The following RIMS2 variants were observed in gnomAD, a reference collection of about 807,000 sequenced individuals.
RIMS2 encodes regulating synaptic membrane exocytosis 2, also known as regulating synaptic membrane exocytosis protein 2.
In RIMS2, 59 loss-of-function variants were observed where a neutral mutation model predicts 174.4. The observed-to-expected ratio is 0.34, with a 90% CI of 0.27 to 0.42. The LOEUF (loss-of-function observed/expected upper bound fraction) is 0.42. Ranked by LOEUF, RIMS2 falls within the 10% of genes least tolerant of loss-of-function variation. The probability of loss-of-function intolerance (pLI) is 1.00; values close to 1 mark genes in which losing one functional copy is unlikely to be tolerated. For synonymous variants in RIMS2, 606 were observed against 572.5 expected, an observed-to-expected ratio of 1.06 and a Z score of -0.84; for missense variants, 1,620 against 1,666.3, an observed-to-expected ratio of 0.97 and a Z score of 0.48.
chr8:103,921,050 A>G (rs2077564801), intron 9 of RIMS2: 1 of 216,788 alleles, frequency 4.6e-6, no homozygotes, highest in African/African-American at 2.4e-5. Context: ...AACAACAAAA[A>G]CAGGTCTTCC....
At chr8:104,012,147 A>G (rs1392471095) in intron 17 of RIMS2, among the ~76,000 whole-genome samples, 1 of 151,950 alleles carries the variant, frequency 6.6e-6, no homozygotes, top group Non-Finnish European at 1.5e-5. Context: ...TTAGAAAGTA[A>G]ATCACATGAT....
intron 3 of RIMS2, among the ~76,000 whole-genome samples, chr8:103,803,637 T>TG (rs1007913179): frequency 3.3e-5 from 5 of 152,208 alleles, no homozygotes; most frequent in African/African-American, 1.2e-4. Context: ...TAGTAGAGTA[T>TG]GGCAAAGATG....
intron 19 of RIMS2, 75 bp downstream of exon 22, chr8:104,041,433 C>A: frequency 3.2e-6 from 2 of 627,760 alleles, no homozygotes; most frequent in Non-Finnish European, 5.8e-6. Context: ...CATTTTTTTA[C>A]TCATTTCATA....
chr8:103,907,910 T>C (rs1044574440), intron 4 of RIMS2, among the ~76,000 whole-genome samples: 2 of 151,072 alleles, frequency 1.3e-5, no homozygotes, highest in Admixed American at 1.3e-4. Flanking sequence ...CATGCCCGGC[T>C]AACTTTTTGT....
At chr8:103,602,476 G>C (rs993596025) in intron 1 of RIMS2, among the ~76,000 whole-genome samples, 1 of 152,076 alleles carries the variant, frequency 6.6e-6, no homozygotes, top group Middle Eastern at 3.4e-3. Flanking sequence ...CCCTCAAAGA[G>C]GCTCCAGCGT....
At chr8:103,661,222 G>C (rs997510395) in intron 1 of RIMS2, among the ~76,000 whole-genome samples, 3 of 152,174 alleles carry the variant, frequency 2.0e-5, no homozygotes, top group Middle Eastern at 3.2e-3. Context: ...TTCATTCTCA[G>C]TGCTGTCTGT....
chr8:103,758,591 T>C (rs1244471975), intron 2 of RIMS2, among the ~76,000 whole-genome samples: 1 of 152,162 alleles, frequency 6.6e-6, no homozygotes, highest in African/African-American at 2.4e-5. Flanking sequence ...AGACCTGTGC[T>C]CTTATTCACT....
intron 19 of RIMS2, among the ~76,000 whole-genome samples, chr8:104,074,683 A>G (rs1045540932): frequency 6.6e-6 from 1 of 152,172 alleles, no homozygotes; most frequent in African/African-American, 2.4e-5. Context: ...TTAAGGGGAT[A>G]TGAAGATTTT....
At chr8:103,527,392 T>C (rs900612285) in intron 1 of RIMS2, among the ~76,000 whole-genome samples, 7 of 152,296 alleles carry the variant, frequency 4.6e-5, no homozygotes, top group Non-Finnish European at 7.4e-5. Context: ...ATTTTTTATT[T>C]ATTTATTTTT....
intron 2 of RIMS2, among the ~76,000 whole-genome samples, chr8:103,747,236 T>TC (rs1263943789): frequency 1.1e-5 from 1 of 90,658 alleles, no homozygotes; most frequent in Non-Finnish European, 2.2e-5. Context: ...ATGCTATCCC[T>TC]CCCCCCTCCC....
At chr8:104,026,388 G>T (rs898909133) in intron 19 of RIMS2, among the ~76,000 whole-genome samples, 1 of 152,050 alleles carries the variant, frequency 6.6e-6, no homozygotes, top group African/African-American at 2.4e-5. Flanking sequence ...TATTGTTTAT[G>T]TTTCATTATT....
intron 1 of RIMS2, among the ~76,000 whole-genome samples, chr8:103,602,211 T>A (rs1041766270): frequency 1.3e-5 from 2 of 151,916 alleles, no homozygotes; most frequent in Non-Finnish European, 2.9e-5. Context: ...ATGGTCTCAA[T>A]CTCCTGACCT....
chr8:103,929,466 T>C (rs72681377), intron 11 of RIMS2, among the ~76,000 whole-genome samples: 19,240 of 151,844 alleles, frequency 0.13, 1,688 homozygotes, highest in Non-Finnish European at 0.19. Context: ...ATAATAATTA[T>C]TATTTGTTTC....
chr8:104,131,153 C>T (rs1293050753), intron 19 of RIMS2, among the ~76,000 whole-genome samples: 1 of 152,152 alleles, frequency 6.6e-6, no homozygotes, highest in African/African-American at 2.4e-5. Flanking sequence ...GCCTACTTCA[C>T]AGAGTTGTGT....
intron 19 of RIMS2, among the ~76,000 whole-genome samples, chr8:104,135,194 G>A (rs2098508297): frequency 6.6e-6 from 1 of 152,126 alleles, no homozygotes. Flanking sequence ...GAAGAAGGTA[G>A]GTATGCACTC....
At chr8:103,714,436 T>G (rs2097344862) in intron 2 of RIMS2, among the ~76,000 whole-genome samples, 1 of 151,890 alleles carries the variant, frequency 6.6e-6, no homozygotes, top group South Asian at 2.1e-4. Flanking sequence ...GAAAGAGAGG[T>G]ATTTTTGGGT....
chr8:103,823,048 T>C (rs1386535862), intron 3 of RIMS2, among the ~76,000 whole-genome samples: 1 of 151,914 alleles, frequency 6.6e-6, no homozygotes, highest in Non-Finnish European at 1.5e-5. Flanking sequence ...GTGATAAAAT[T>C]GATCCTCTGA....
At chr8:103,971,886 C>A (rs2154547845) in intron 15 of RIMS2, among the ~76,000 whole-genome samples, 1 of 152,262 alleles carries the variant, frequency 6.6e-6, no homozygotes, top group Non-Finnish European at 1.5e-5. Flanking sequence ...TATACTCTGA[C>A]TTCCTAATAG....
At chr8:103,933,331 ACAC>A (rs1340901448) in intron 12 of RIMS2, among the ~76,000 whole-genome samples, 1 of 128,250 alleles carries the variant, frequency 7.8e-6, no homozygotes, top group Non-Finnish European at 1.6e-5. Flanking sequence ...ACACACACAC[ACAC>A]AATTAGCCAG....
Sources: allele counts gnomAD v4.1 joint callset (sites outside exome capture counted in the v4.1 genomes callset), GRCh38; gene constraint gnomAD v4.1.1; transcripts MANE v1.5; gene names NCBI Gene and HGNC (gene_info 2026-07-23, HGNC 2026-07-21).